EIF2AK4: variants seen among roughly 807,000 people sequenced by gnomAD.
EIF2AK4 encodes eIF-2-alpha kinase GCN2.
A neutral mutation model predicts 211.1 loss-of-function variants in EIF2AK4; 139 were observed. The observed-to-expected ratio is 0.66, with a 90% CI of 0.57 to 0.76. The LOEUF (loss-of-function observed/expected upper bound fraction) is 0.76. Ranked by LOEUF, EIF2AK4 falls within the 30% of genes least tolerant of loss-of-function variation. The pLI is 0.00. For missense variants in EIF2AK4, 1,664 were observed against 2,043.8 expected (o/e 0.81, Z 3.58); for synonymous variants, 710 against 751.3 (o/e 0.94, Z 0.90).
intron 37 of EIF2AK4, among the ~76,000 whole-genome samples, chr15:40,033,400 A>AT (rs1413436920): frequency 6.6e-6 from 1 of 152,164 alleles, no homozygotes; most frequent in Non-Finnish European, 1.5e-5. Context: ...ATATATATAT[A>AT]TTTTTACAGG....
chr15:39,945,408 T>C (rs562010628), intron 3 of EIF2AK4, among the ~76,000 whole-genome samples: 9 of 152,306 alleles, frequency 5.9e-5, no homozygotes, highest in Non-Finnish European at 8.8e-5. Context: ...CAAAGCATAA[T>C]CTGGATCAAG....
chr15:39,964,390 T>C (rs1191367344), intron 7 of EIF2AK4, among the ~76,000 whole-genome samples: 1 of 152,192 alleles, frequency 6.6e-6, no homozygotes, highest in Non-Finnish European at 1.5e-5. Flanking sequence ...ATCGGGGTTA[T>C]CAGCTGGGGG....
intron 25 of EIF2AK4, 130 bp from the exon 26 acceptor site, chr15:40,009,484 T>A (rs1405232859): frequency 1.2e-5 from 7 of 600,888 alleles, no homozygotes; most frequent in Non-Finnish European, 2.0e-5. Context: ...AAAAATAAAC[T>A]AGGAAGCCAT....
At chr15:39,996,281 G>A (rs2035017298) in intron 18 of EIF2AK4, among the ~76,000 whole-genome samples, 2 of 152,206 alleles carry the variant, frequency 1.3e-5, no homozygotes, top group South Asian at 4.1e-4. Flanking sequence ...TTTTAAGATG[G>A]TTAGCTAAGA....
In EIF2AK4 at chr15:39,992,866, G is replaced by A; in HGVS notation, c.2766+18G>A. 1.2e-6 allele frequency: 2 copies of A among 1,611,980 alleles called. No individual in the cohort carries two copies. The highest frequency in any genetic ancestry group is 1.7e-6 in the Non-Finnish European group (2 of 1,178,140). ...ACAACCAGGTAAGAGGTTTTGTGGGGAAAAGGAATCTCAAAATTAAGGTAA... is the reference window on the plus strand; with the variant it reads ...ACAACCAGGTAAGAGGTTTTGTGGGAAAAAGGAATCTCAAAATTAAGGTAA... On this transcript the variant is annotated intron_variant, in intron 18 of 38. Transcript: ENST00000263791.
intron 20 of EIF2AK4, among the ~76,000 whole-genome samples, chr15:40,000,645 ATTTGT>A (rs1295913690): frequency 4.6e-5 from 7 of 152,242 alleles, no homozygotes; most frequent in Admixed American, 2.0e-4. Flanking sequence ...ATGTAAAGCT[ATTTGT>A]TTTATCTTTT....
chr15:39,978,503 A>G (rs540091642), intron 13 of EIF2AK4, among the ~76,000 whole-genome samples: 9 of 152,336 alleles, frequency 5.9e-5, no homozygotes, highest in Admixed American at 4.6e-4. Flanking sequence ...TTACCTCATC[A>G]TGGAGTTACC....
At chr15:39,939,468 G>A (rs749511908) in intron 1 of EIF2AK4, 37 bp from the exon 2 acceptor site, 1 of 1,513,128 alleles carries the variant, frequency 6.6e-7, no homozygotes. Context: ...TGGCTCTACA[G>A]CTTTGAAAAA....
At chr15:40,022,317 A>C in intron 31 of EIF2AK4, 1 of 522,106 alleles carries the variant, frequency 1.9e-6, no homozygotes, top group South Asian at 2.6e-5. Context: ...ACAATCATGA[A>C]GGGAAGGGAG....
chr15:40,011,182 C>A, intron 26 of EIF2AK4, 99 bp from the exon 27 acceptor site: 1 of 972,620 alleles, frequency 1.0e-6, no homozygotes, highest in Non-Finnish European at 1.6e-6. Context: ...GCAGTTTGTT[C>A]AAAATGAAGG....
intron 2 of EIF2AK4, among the ~76,000 whole-genome samples, chr15:39,940,593 A>C (rs946491133): frequency 1.3e-5 from 2 of 152,254 alleles, no homozygotes; most frequent in African/African-American, 4.8e-5. Context: ...ACATACTATA[A>C]AAATATTAAT....
At chr15:40,033,902 C>G (rs1195339099) in intron 37 of EIF2AK4, among the ~76,000 whole-genome samples, 1 of 152,022 alleles carries the variant, frequency 6.6e-6, no homozygotes, top group Non-Finnish European at 1.5e-5. Context: ...GTGGCAGGCG[C>G]CTGTAATCCC....
intron 35 of EIF2AK4, among the ~76,000 whole-genome samples, chr15:40,031,704 T>C (rs1229824989): frequency 1.3e-5 from 2 of 152,046 alleles, no homozygotes; most frequent in Non-Finnish European, 2.9e-5. Flanking sequence ...TAGACACCCC[T>C]TTCTGAGTGG....
At chr15:40,032,932 T>C (rs1251260541) in intron 37 of EIF2AK4, 131 bp downstream of exon 37, 2 of 684,574 alleles carry the variant, frequency 2.9e-6, no homozygotes, top group Non-Finnish European at 4.7e-6. Flanking sequence ...TTTAGTAACA[T>C]TTTTCCTTTT....
At chr15:40,007,921 G>A (rs999502662) in intron 24 of EIF2AK4, 106 bp from the exon 25 acceptor site, 6 of 881,078 alleles carry the variant, frequency 6.8e-6, no homozygotes, top group South Asian at 2.4e-5. Flanking sequence ...TCATACCACC[G>A]ATTAATTTTT....
chr15:39,939,445 A>AATCATTAATGATTAAGATAATG, intron 1 of EIF2AK4, 60 bp from the exon 2 acceptor site: 1 of 981,144 alleles, frequency 1.0e-6, no homozygotes, highest in Non-Finnish European at 1.5e-6. Flanking sequence ...TCATTATCTT[A>AATCATTAATGATTAAGATAATG]ATCATTAATG....
At position 39,943,505 on chromosome 15, in the gene EIF2AK4, A is replaced by T. The variant is rs751653325; in HGVS notation, c.360+20A>T. 11 of 1,569,580 alleles carry T rather than the reference A, an allele frequency of 7.0e-6. No individual in the cohort carries two copies. Among genetic ancestry groups the T allele is most frequent in the Non-Finnish European group, 9.5e-6 (11 of 1,161,888 alleles). On this transcript the variant is annotated intron_variant, in intron 3 of 38. Coordinates refer to ENST00000263791, the MANE Select transcript of EIF2AK4 (RefSeq NM_001013703.4). ...GGGGAGGTAAGATTTGTTAAACTGG[A>T]ATTAAAAGAAGACAGTAAACTTCCC...
intron 6 of EIF2AK4, among the ~76,000 whole-genome samples, chr15:39,956,379 C>G (rs2034392773): frequency 1.3e-5 from 2 of 152,182 alleles, no homozygotes; most frequent in African/African-American, 4.8e-5. Context: ...AACTTAAATT[C>G]AGTAAGTGAT....
chr15:39,971,663 G>A (rs1038094179), intron 9 of EIF2AK4, among the ~76,000 whole-genome samples: 10 of 151,990 alleles, frequency 6.6e-5, no homozygotes, highest in African/African-American at 2.4e-4. Flanking sequence ...GCTGCCATGA[G>A]TGATGATCGC....
Sources: allele counts gnomAD v4.1 joint callset (sites outside exome capture counted in the v4.1 genomes callset), GRCh38; gene constraint gnomAD v4.1.1; transcripts MANE v1.5; gene names NCBI Gene and HGNC (gene_info 2026-07-23, HGNC 2026-07-21).